The following RNF216 variants were observed in gnomAD, a reference collection of about 807,000 sequenced individuals.
RNF216 encodes the protein ring finger protein 216.
A neutral mutation model predicts 110.8 loss-of-function variants in RNF216; 72 were observed. The ratio of observed to expected loss-of-function variants is 0.65; its 90% CI spans 0.54 to 0.79. The LOEUF is 0.79. RNF216 is among the 30% of genes least tolerant of loss of function. RNF216 has a pLI of 0.00. For synonymous variants in RNF216, 495 were observed against 407.5 expected (o/e 1.21, Z -2.59); for missense variants, 1,342 against 1,141.2 (o/e 1.18, Z -2.54).
intron 5 of RNF216, among the ~76,000 whole-genome samples, chr7:5,732,808 G>C (rs985799210): frequency 1.6e-4 from 24 of 152,218 alleles, no homozygotes; most frequent in Non-Finnish European, 2.9e-4. Context: ...TCATGTTTGA[G>C]CTGATCTGAC....
At chr7:5,774,341 A>G (rs904262734) in intron 1 of RNF216, among the ~76,000 whole-genome samples, 3 of 152,340 alleles carry the variant, frequency 2.0e-5, no homozygotes, top group Middle Eastern at 3.4e-3. Context: ...TGGTTGCTGA[A>G]GCAAGAGAAT....
intron 2 of RNF216, among the ~76,000 whole-genome samples, chr7:5,756,719 G>T (rs1795663091): frequency 6.6e-6 from 1 of 152,152 alleles, no homozygotes; most frequent in Admixed American, 6.6e-5. Flanking sequence ...CCTACTACTG[G>T]GTTCAAGTGA....
At chr7:5,711,038 C>T (rs1792653229) in intron 13 of RNF216, among the ~76,000 whole-genome samples, 1 of 152,128 alleles carries the variant, frequency 6.6e-6, no homozygotes, top group African/African-American at 2.4e-5. Context: ...AATTTCTTTA[C>T]TCTCCCCAAG....
Position 5,710,338 on chromosome 7 carries a change from C to A in RNF216, c.2061+1423G>T, listed in dbSNP as rs145997996. ...TCGTGCCACTGCACTCCAGCCTGGG[C>A]AACAGAGTGAGACCCTGCCTCAAAA... is the stretch of plus-strand genomic sequence containing the variant. On this transcript the variant is annotated intron_variant, in intron 13 of 16. Coordinates refer to ENST00000389902, the MANE Select transcript of RNF216 (RefSeq NM_207111.4). Among the ~76,000 whole-genome samples the A allele has an allele frequency of 2.8e-3, 407 of 146,368 alleles. 2 individuals carry two copies. Among genetic ancestry groups the A allele is most frequent in the Middle Eastern group, 0.017 (5 of 288 alleles).
chr7:5,738,707 CAAAAAA>C (rs71004696), intron 5 of RNF216, among the ~76,000 whole-genome samples: 1 of 70,126 alleles, frequency 1.4e-5, no homozygotes, highest in Non-Finnish European at 2.6e-5. Context: ...GACTCCGTCT[CAAAAAA>C]AAAAAAAAAA....
At chr7:5,729,712 T>C in intron 6 of RNF216, 116 bp from the exon 7 acceptor site, 2 of 918,950 alleles carry the variant, frequency 2.2e-6, no homozygotes, top group Non-Finnish European at 3.3e-6. Flanking sequence ...AATTACTCTA[T>C]AAGGAAGTTA....
intron 3 of RNF216, among the ~76,000 whole-genome samples, chr7:5,745,683 T>C (rs1246414309): frequency 6.6e-6 from 1 of 151,796 alleles, no homozygotes; most frequent in Non-Finnish European, 1.5e-5. Flanking sequence ...GTGGATAACT[T>C]GAGGTCAAGA....
At chr7:5,689,012 T>C (rs1791159629) in intron 13 of RNF216, among the ~76,000 whole-genome samples, 1 of 152,210 alleles carries the variant, frequency 6.6e-6, no homozygotes, top group African/African-American at 2.4e-5. Flanking sequence ...CTGAGAAGCC[T>C]GGCATCTTAC....
chr7:5,658,654 CAAA>C lies in RNF216; in HGVS notation c.2062-6147_2062-6145del, dbSNP rs753036691. 1.7e-3 allele frequency among the ~76,000 whole-genome samples: 131 copies of C among 74,916 alleles called. 1 individual carries two copies. The highest frequency in any genetic ancestry group is 4.3e-3 in the African/African-American group (105 of 24,574). 49.1% of individuals were successfully genotyped at this position (74,916 alleles called of 152,430 possible). ...TCTGGGTGACAGAGAGAGACTGTCT[CAAA>C]AAAAAAAAAAAAAAAAAATTTTTTT... On this transcript the variant is annotated intron_variant, in intron 13 of 16. Transcript: ENST00000389902.
chr7:5,704,627 C>T (rs1405822921), intron 13 of RNF216, among the ~76,000 whole-genome samples: 2 of 152,122 alleles, frequency 1.3e-5, no homozygotes, highest in Admixed American at 6.5e-5. Context: ...GGAAGAAAAC[C>T]CTTTCCTCAT....
chr7:5,697,069 A>T (rs1461195956), intron 13 of RNF216, among the ~76,000 whole-genome samples: 3 of 134,720 alleles, frequency 2.2e-5, no homozygotes, highest in African/African-American at 7.4e-5. Flanking sequence ...AGCCCTCAAC[A>T]GGGTCTATTT....
intron 9 of RNF216, among the ~76,000 whole-genome samples, chr7:5,720,689 G>C (rs1793364553): frequency 6.6e-6 from 1 of 152,098 alleles, no homozygotes; most frequent in African/African-American, 2.4e-5. Flanking sequence ...CACTGGTTTA[G>C]AAGATACTTA....
intron 13 of RNF216, among the ~76,000 whole-genome samples, chr7:5,686,192 C>T (rs539216178): frequency 6.7e-6 from 1 of 148,960 alleles, no homozygotes; most frequent in Non-Finnish European, 1.5e-5. Context: ...TGCTGCACTC[C>T]AGCCTGGGTT....
Position 5,776,514 on chromosome 7 carries a change from G to A in RNF216, c.-70+5027C>T, listed in dbSNP as rs181400106. The stretch of plus-strand genomic sequence containing the variant: ...GGAGGCTGAGGCAGGAGAATGGCGA[G>A]AACCCGGGAGGCGGAGCTTGCAGTG... On this transcript the variant is annotated intron_variant, in intron 1 of 16. Coordinates refer to ENST00000389902, the MANE Select transcript of RNF216 (RefSeq NM_207111.4). Among the ~76,000 whole-genome samples the A allele has an allele frequency of 7.5e-3, 1,081 of 144,446 alleles. 12 individuals are homozygous for A. The highest frequency in any genetic ancestry group is 0.026 in the African/African-American group (1,020 of 39,172). The allele number at this position is 144,446 out of a possible 152,430, so 94.8% of individuals were successfully genotyped here.
At chr7:5,711,061 C>A (rs1295265054) in intron 13 of RNF216, among the ~76,000 whole-genome samples, 1 of 152,140 alleles carries the variant, frequency 6.6e-6, no homozygotes, top group Non-Finnish European at 1.5e-5. Context: ...AAAGATATTG[C>A]AGTGTTCAAC....
At chr7:5,636,126 A>C (rs1787383876) in intron 15 of RNF216, among the ~76,000 whole-genome samples, 1 of 151,732 alleles carries the variant, frequency 6.6e-6, no homozygotes, top group Non-Finnish European at 1.5e-5. Context: ...CTCAGCTACC[A>C]CTCCTGTGGC....
chr7:5,690,196 G>A (rs1204974710), intron 13 of RNF216, among the ~76,000 whole-genome samples: 1 of 150,498 alleles, frequency 6.6e-6, no homozygotes, highest in Non-Finnish European at 1.5e-5. Flanking sequence ...GCATGGTGGT[G>A]CACACCTGTA....
intron 8 of RNF216, among the ~76,000 whole-genome samples, chr7:5,722,503 G>A (rs1233039462): frequency 6.6e-6 from 1 of 151,264 alleles, no homozygotes; most frequent in Non-Finnish European, 1.5e-5. Context: ...CCATTCTCCT[G>A]CCTCAGCCTC....
rs201748010 is a variant in RNF216, at chr7:5,727,905, G to C, written c.1389+1527C>G. Among the ~76,000 whole-genome samples, 175 of 151,072 alleles carry C rather than the reference G, an allele frequency of 1.2e-3. 1 individual carries two copies. The highest frequency in any genetic ancestry group is 1.9e-3 in the Non-Finnish European group (130 of 67,830). ...CTGGTGAGATTTTCCATATGCTGAT[G>C]ACTCTCAAAGTCCTATCACCATAAA... On this transcript the variant is annotated intron_variant, in intron 7 of 16. Coordinates refer to ENST00000389902, the MANE Select transcript of RNF216 (RefSeq NM_207111.4).
Sources: gnomAD v4.1 joint callset for allele counts (sites outside exome capture counted in the v4.1 genomes callset) on GRCh38, gnomAD v4.1.1 for gene constraint, MANE v1.5 for transcripts, NCBI Gene and HGNC (gene_info 2026-07-23, HGNC 2026-07-21) for gene names.